The following HDAC9 variants were observed in gnomAD, a reference collection of about 807,000 sequenced individuals.
The protein encoded by HDAC9 is histone deacetylase 9.
In HDAC9, 41 loss-of-function variants were observed where a neutral mutation model predicts 139.4. That is an observed-to-expected ratio of 0.29 (90% CI 0.23 to 0.38). HDAC9 has a LOEUF of 0.38. Among genes scored for constraint, HDAC9 ranks in the 10% least tolerant of loss-of-function variants. The pLI is 1.00. For synonymous variants in HDAC9, 517 were observed against 476.2 expected (o/e 1.09, Z -1.12); for missense variants, 1,147 against 1,297.0 (o/e 0.88, Z 1.78).
chr7:18,634,800 T>C (rs1783389853), intron 8 of HDAC9, 58 bp downstream of exon 8: 3 of 1,022,728 alleles, frequency 2.9e-6, no homozygotes, highest in Admixed American at 4.1e-5. Context: ...AGCTACCTAA[T>C]ACAAAGTGAT....
chr7:18,990,628 C>CGG (rs561601282), intron 25 of HDAC9, among the ~76,000 whole-genome samples: 2,944 of 152,354 alleles, frequency 0.019, 87 homozygotes, highest in African/African-American at 0.067. Context: ...TGGGCAATGG[C>CGG]GGGCGCCCCT....
intron 24 of HDAC9, among the ~76,000 whole-genome samples, chr7:18,967,915 C>A (rs1034455739): frequency 2.0e-5 from 3 of 152,160 alleles, no homozygotes; most frequent in Non-Finnish European, 4.4e-5. Context: ...GTAATCCCAG[C>A]ACTTTCGGAG....
chr7:18,667,184 T>C, intron 12 of HDAC9: 1 of 985,374 alleles, frequency 1.0e-6, no homozygotes, highest in Non-Finnish European at 1.2e-6. Context: ...ATTTTACTTT[T>C]ATTTTGTGTA....
At chr7:18,469,539 G>A (rs1471708252) in intron 1 of HDAC9, among the ~76,000 whole-genome samples, 1 of 152,168 alleles carries the variant, frequency 6.6e-6, no homozygotes, top group Non-Finnish European at 1.5e-5. Flanking sequence ...GCAAGAGAAA[G>A]TGTGTAGGTG....
chr7:18,537,951 G>C (rs1327676609), intron 2 of HDAC9, among the ~76,000 whole-genome samples: 1 of 152,168 alleles, frequency 6.6e-6, no homozygotes, highest in Non-Finnish European at 1.5e-5. Context: ...CATAACCTCA[G>C]GCAGCATCAT....
intron 1 of HDAC9, among the ~76,000 whole-genome samples, chr7:18,357,877 T>C (rs1388487597): frequency 1.3e-5 from 2 of 152,098 alleles, no homozygotes; most frequent in Non-Finnish European, 2.9e-5. Flanking sequence ...TGAAAGATCT[T>C]TGTGAGGAGC....
chr7:18,386,508 C>G (rs1785943686), intron 1 of HDAC9, among the ~76,000 whole-genome samples: 1 of 152,144 alleles, frequency 6.6e-6, no homozygotes. Flanking sequence ...CCTTTTGAAG[C>G]CAAAACAACC....
intron 16 of HDAC9, among the ~76,000 whole-genome samples, chr7:18,771,457 GGA>G (rs1790284620): frequency 6.6e-6 from 1 of 151,884 alleles, no homozygotes; most frequent in African/African-American, 2.4e-5. Flanking sequence ...AGGCAGATTT[GGA>G]TGAAATGTCT....
intron 6 of HDAC9, 37 bp downstream of exon 6, chr7:18,594,066 G>A (rs199964629): frequency 2.5e-6 from 4 of 1,608,544 alleles, no homozygotes; most frequent in Non-Finnish European, 8.5e-7. Context: ...TTGCTCTTCT[G>A]TAACACACCT....
intron 22 of HDAC9, among the ~76,000 whole-genome samples, chr7:18,884,738 T>G (rs1348598791): frequency 1.3e-5 from 2 of 152,162 alleles, no homozygotes; most frequent in Admixed American, 1.3e-4. Context: ...TTCTGTTTCT[T>G]CTTTAGTATG....
At chr7:18,407,429 C>A (rs1280963140) in intron 1 of HDAC9, among the ~76,000 whole-genome samples, 1 of 152,248 alleles carries the variant, frequency 6.6e-6, no homozygotes, top group East Asian at 1.9e-4. Context: ...TGTAACAAAT[C>A]TCAAAGTGGG....
At chr7:18,862,818 CAGAAAG>C (rs1262348068) in intron 21 of HDAC9, among the ~76,000 whole-genome samples, 3 of 151,898 alleles carry the variant, frequency 2.0e-5, no homozygotes, top group Non-Finnish European at 4.4e-5. Context: ...ATTATGAAGA[CAGAAAG>C]AGAAAAGCTA....
chr7:18,565,848 ATT>A (rs35924732), intron 2 of HDAC9, among the ~76,000 whole-genome samples: 2 of 146,116 alleles, frequency 1.4e-5, no homozygotes, highest in African/African-American at 2.5e-5. Context: ...AATGTGGATA[ATT>A]TTTTTTTTTT....
intron 1 of HDAC9, among the ~76,000 whole-genome samples, chr7:18,464,590 G>T (rs558918584): frequency 6.6e-6 from 1 of 152,024 alleles, no homozygotes; most frequent in South Asian, 2.1e-4. Flanking sequence ...ACAATGTGAG[G>T]CCTAGTATGT....
chr7:18,880,765 CA>C (rs1267765205), intron 22 of HDAC9, among the ~76,000 whole-genome samples: 1 of 142,152 alleles, frequency 7.0e-6, no homozygotes, highest in Admixed American at 7.6e-5. Context: ...ACCTATGTAA[CA>C]AACCTTCACA....
chr7:18,259,304 G>A (rs1274902755), intron 2 of HDAC9, among the ~76,000 whole-genome samples: 3 of 151,992 alleles, frequency 2.0e-5, no homozygotes, highest in Non-Finnish European at 4.4e-5. Context: ...ACAGTGCCAT[G>A]ATTGCAGTCC....
chr7:18,423,978 A>C (rs1789878946), intron 1 of HDAC9, among the ~76,000 whole-genome samples: 1 of 152,194 alleles, frequency 6.6e-6, no homozygotes, highest in Admixed American at 6.5e-5. Context: ...CTTTTAACAA[A>C]TATTTTGAAT....
At chr7:18,170,833 G>C (rs1406284279) in intron 2 of HDAC9, among the ~76,000 whole-genome samples, 1 of 152,182 alleles carries the variant, frequency 6.6e-6, no homozygotes, top group African/African-American at 2.4e-5. Flanking sequence ...GAACCATGCT[G>C]TTTTGGTTAC....
At chr7:18,654,554 G>A (rs1481867377) in intron 11 of HDAC9, among the ~76,000 whole-genome samples, 2 of 152,086 alleles carry the variant, frequency 1.3e-5, no homozygotes, top group Admixed American at 6.6e-5. Flanking sequence ...GGCTAGTGCA[G>A]AGCTGAAATC....
Sources: allele counts gnomAD v4.1 joint callset (sites outside exome capture counted in the v4.1 genomes callset), GRCh38; gene constraint gnomAD v4.1.1; transcripts MANE v1.5; gene names NCBI Gene and HGNC (gene_info 2026-07-23, HGNC 2026-07-21).